The following CEP112 variants were observed in gnomAD, a reference collection of about 807,000 sequenced individuals.
CEP112 encodes the protein centrosomal protein of 112 kDa.
A neutral mutation model predicts 153.0 loss-of-function variants in CEP112; 127 were observed. The ratio of observed to expected loss-of-function variants is 0.83; its 90% confidence interval spans 0.72 to 0.96. The LOEUF (loss-of-function observed/expected upper bound fraction) is 0.96. CEP112 is among the 40% of genes least tolerant of loss of function. The pLI, the probability that CEP112 is intolerant of heterozygous loss-of-function variation, is 0.00. For synonymous variants in CEP112, 358 were observed against 374.4 expected (o/e 0.96, Z 0.51); for missense variants, 1,089 against 1,101.2 (o/e 0.99, Z 0.16).
At chr17:65,742,936 T>C (rs2051216330) in intron 23 of CEP112, 132 bp downstream of exon 23, 2 of 635,536 alleles carry the variant, frequency 3.1e-6, no homozygotes, top group African/African-American at 1.9e-5. Context: ...TAGAGTCCAG[T>C]GAATGGAATT....
At chr17:65,758,272 C>T (rs2052404483) in intron 21 of CEP112, among the ~76,000 whole-genome samples, 1 of 152,148 alleles carries the variant, frequency 6.6e-6, no homozygotes, top group Non-Finnish European at 1.5e-5. Context: ...TGTGCCCGTC[C>T]TCCTCCAGAC....
At chr17:65,666,645 A>AAAGC (rs1297155733) in intron 24 of CEP112, among the ~76,000 whole-genome samples, 1 of 152,254 alleles carries the variant, frequency 6.6e-6, no homozygotes, top group East Asian at 1.9e-4. Flanking sequence ...GAGCCACTTT[A>AAAGC]AAGCAAGTGT....
chr17:65,921,657 T>C lies in CEP112; in HGVS notation c.1980+5925A>G, dbSNP rs139515980. Reference sequence around the variant, plus strand: ...AGGTACGCTTGTGTGTGTTTTTACATTCCTGTTATATACTACATTTGTATC... The same window carrying C: ...AGGTACGCTTGTGTGTGTTTTTACACTCCTGTTATATACTACATTTGTATC... On this transcript the variant is annotated intron_variant, in intron 19 of 26. Coordinates refer to ENST00000535342, the MANE Select transcript of CEP112 (RefSeq NM_001199165.4). 2.8e-3 allele frequency among the ~76,000 whole-genome samples: 424 copies of C among 152,274 alleles called. 6 individuals carry two copies. Among genetic ancestry groups the C allele is most frequent in the African/African-American group, 9.4e-3 (392 of 41,572 alleles).
At chr17:65,856,603 T>C (rs1447279900) in intron 20 of CEP112, among the ~76,000 whole-genome samples, 1 of 152,242 alleles carries the variant, frequency 6.6e-6, no homozygotes, top group African/African-American at 2.4e-5. Context: ...AAAAAATACA[T>C]ACATTTTTAT....
At chr17:66,016,653 T>C (rs1246537598) in intron 16 of CEP112, among the ~76,000 whole-genome samples, 1 of 152,154 alleles carries the variant, frequency 6.6e-6, no homozygotes, top group Non-Finnish European at 1.5e-5. Context: ...GGAATTGCTA[T>C]CAGAGTTGCT....
At chr17:65,746,840 A>G (rs1456364185) in intron 22 of CEP112, among the ~76,000 whole-genome samples, 2 of 152,198 alleles carry the variant, frequency 1.3e-5, no homozygotes, top group African/African-American at 2.4e-5. Flanking sequence ...ATTAAAAACC[A>G]TAGAACAAAA....
intron 8 of CEP112, among the ~76,000 whole-genome samples, chr17:66,086,379 T>C (rs1194667652): frequency 9.6e-6 from 1 of 104,208 alleles, no homozygotes; most frequent in Non-Finnish European, 1.9e-5. Context: ...GATTTTCTTT[T>C]CTTTTTTTTT....
chr17:66,189,100 C>T (rs1471646750), intron 1 of CEP112, among the ~76,000 whole-genome samples: 1 of 152,178 alleles, frequency 6.6e-6, no homozygotes, highest in Non-Finnish European at 1.5e-5. Flanking sequence ...AACTCAAAAT[C>T]ATGAAATCAA....
intron 24 of CEP112, among the ~76,000 whole-genome samples, chr17:65,665,946 T>A (rs934643566): frequency 6.6e-6 from 1 of 152,224 alleles, no homozygotes; most frequent in African/African-American, 2.4e-5. Flanking sequence ...CTTTGGGTAC[T>A]GACACCTGCC....
At chr17:66,136,913 A>G (rs979918768) in intron 4 of CEP112, among the ~76,000 whole-genome samples, 1 of 152,166 alleles carries the variant, frequency 6.6e-6, no homozygotes, top group Non-Finnish European at 1.5e-5. Flanking sequence ...TACAAAGCCA[A>G]TCCATAAAGA....
At chr17:65,735,160 T>C (rs961329856) in intron 23 of CEP112, among the ~76,000 whole-genome samples, 9 of 152,330 alleles carry the variant, frequency 5.9e-5, no homozygotes, top group Admixed American at 4.6e-4. Context: ...ATTCTAATTT[T>C]GGCTTGAAAG....
chr17:66,052,353 C>T (rs571451872), intron 12 of CEP112, among the ~76,000 whole-genome samples: 41 of 152,248 alleles, frequency 2.7e-4, no homozygotes, highest in Non-Finnish European at 4.6e-4. Flanking sequence ...AAGACTGATG[C>T]GATGCACTGA....
chr17:65,949,787 G>A (rs2061760853), intron 18 of CEP112, among the ~76,000 whole-genome samples: 2 of 152,084 alleles, frequency 1.3e-5, no homozygotes, highest in South Asian at 4.1e-4. Flanking sequence ...TTTCATTCCT[G>A]GCTATCCTTA....
At chr17:65,652,906 A>T (rs1004468557) in intron 24 of CEP112, among the ~76,000 whole-genome samples, 7 of 152,206 alleles carry the variant, frequency 4.6e-5, no homozygotes, top group African/African-American at 1.7e-4. Flanking sequence ...CTGAAAGTCC[A>T]AGATCAGGGT....
chr17:66,053,786 C>T lies in CEP112; in HGVS notation c.1168G>A (p.Val390Met), dbSNP rs1598242597. Residue 390 changes from valine (V) to methionine (M), a missense_variant, in exon 12 of 27, where the codon GTG (valine) becomes ATG (methionine). Coordinates refer to ENST00000535342, the MANE Select transcript of CEP112 (RefSeq NM_001199165.4). ...NIQELLEDTNVRLNKMESEYM... is the reference protein window; with the variant it reads ...NIQELLEDTNMRLNKMESEYM... Reference sequence around the variant, plus strand: ...TCACTCTCCATTTTATTCAGACGCACATTTGTATCCTCAAGCAATTCTTGA... The same window carrying T: ...TCACTCTCCATTTTATTCAGACGCATATTTGTATCCTCAAGCAATTCTTGA... The T allele has an allele frequency of 1.2e-6, 2 of 1,613,740 alleles. No individual in the cohort carries two copies. The highest frequency in any genetic ancestry group is 1.1e-5 in the South Asian group (1 of 90,968).
chr17:65,643,410 G>T (rs2045254866), intron 24 of CEP112, among the ~76,000 whole-genome samples: 3 of 151,764 alleles, frequency 2.0e-5, no homozygotes, highest in African/African-American at 7.3e-5. Flanking sequence ...CTATTCTCTT[G>T]CCTCAGCCTC....
intron 2 of CEP112, among the ~76,000 whole-genome samples, chr17:66,181,550 T>C (rs1455322672): frequency 6.6e-6 from 1 of 152,118 alleles, no homozygotes; most frequent in Non-Finnish European, 1.5e-5. Context: ...AGAGTCGGGC[T>C]TTCACCATGT....
intron 21 of CEP112, among the ~76,000 whole-genome samples, chr17:65,818,977 G>GA (rs1409053739): frequency 1.3e-5 from 2 of 152,012 alleles, no homozygotes; most frequent in South Asian, 2.1e-4. Context: ...TGTTGCTGAA[G>GA]ATGTTAATTA....
chr17:66,150,149 C>T lies in CEP112; in HGVS notation c.471-17386G>A, dbSNP rs375409920. ...TCTCTCGACCTCATGATCCGCCCAC[C>T]TCGGCCTCCCAAAGTACTGGGATTA... On this transcript the variant is annotated intron_variant, in intron 4 of 26. Transcript: ENST00000535342. Among the ~76,000 whole-genome samples, 546 of 149,328 alleles carry T rather than the reference C, an allele frequency of 3.7e-3. 1 individual carries two copies. The highest frequency in any genetic ancestry group is 0.013 in the African/African-American group (518 of 40,606).
Sources: allele counts gnomAD v4.1 joint callset (sites outside exome capture counted in the v4.1 genomes callset), GRCh38; gene constraint gnomAD v4.1.1; transcripts MANE v1.5; gene names NCBI Gene and HGNC (gene_info 2026-07-23, HGNC 2026-07-21).